PXDNL: variants seen among roughly 807,000 people sequenced by gnomAD.
PXDNL encodes the protein probable oxidoreductase PXDNL.
A neutral mutation model predicts 150.8 loss-of-function variants in PXDNL; 145 were observed. The observed-to-expected ratio is 0.96, with a 90% confidence interval of 0.84 to 1.10. The LOEUF (loss-of-function observed/expected upper bound fraction) is 1.10. PXDNL is among the 50% of genes least tolerant of loss of function. PXDNL has a pLI of 0.00. For missense variants in PXDNL, 2,087 were observed against 1,873.9 expected, an observed-to-expected ratio of 1.11 and a Z score of -2.10; for synonymous variants, 757 against 725.7, an observed-to-expected ratio of 1.04 and a Z score of -0.69.
chr8:51,630,826 C>A (rs1814474423), intron 2 of PXDNL, among the ~76,000 whole-genome samples: 1 of 152,114 alleles, frequency 6.6e-6, no homozygotes, highest in Admixed American at 6.6e-5. Context: ...TTATACACTG[C>A]TGGTGAGAAC....
chr8:51,790,979 T>C (rs1249132602), intron 1 of PXDNL, among the ~76,000 whole-genome samples: 2 of 152,026 alleles, frequency 1.3e-5, no homozygotes, highest in African/African-American at 4.8e-5. Context: ...TGGGTTTTAA[T>C]GGATACAATA....
chr8:51,359,185 G>A (rs10107247), intron 19 of PXDNL, among the ~76,000 whole-genome samples: 5 of 152,200 alleles, frequency 3.3e-5, no homozygotes, highest in Middle Eastern at 3.4e-3. Flanking sequence ...AAAGGGTCCC[G>A]AATAGTTATC....
At position 51,447,101 on chromosome 8, in the gene PXDNL, G is replaced by T. The variant is rs1809694038; in HGVS notation, c.1428C>A (p.Asp476Glu). ...GGCCTTGATCGTGCTGTGCTGCACG[G>T]TCAATTCTCAAAGTGCCAGAGGAGA... ...TVLSSGTLRI[D>E]RAAQHDQGQY... The change falls in exon 12 of 23, where the codon GAC becomes GAA. Residue 476 changes from aspartate to glutamate, a missense_variant. Asp to Glu is a conservative substitution (Grantham distance 45). Transcript: ENST00000356297. 2 of 1,613,736 alleles carry T rather than the reference G, an allele frequency of 1.2e-6. No homozygotes were observed. Among genetic ancestry groups the T allele is most frequent in the East Asian group, 4.5e-5 (2 of 44,882 alleles).
chr8:51,608,368 G>A lies in PXDNL; in HGVS notation c.237-15670C>T, dbSNP rs1234134704. ...TGCACCACTGCACTCCAGCCTCAGCGACAGGGAGAGACTCCGTCAAAAAAA... is the reference window on the plus strand; with the variant it reads ...TGCACCACTGCACTCCAGCCTCAGCAACAGGGAGAGACTCCGTCAAAAAAA... On this transcript the variant is annotated intron_variant, in intron 2 of 22. Transcript: ENST00000356297. Among the ~76,000 whole-genome samples, 8 of 130,000 alleles carry A rather than the reference G, an allele frequency of 6.2e-5. No homozygotes were observed. In the East Asian group the frequency reaches 6.6e-4, roughly 11 times the overall value. 85.3% of individuals were successfully genotyped at this position (130,000 alleles called of 152,430 possible).
intron 1 of PXDNL, among the ~76,000 whole-genome samples, chr8:51,703,928 T>C (rs780073564): frequency 2.6e-5 from 4 of 152,240 alleles, no homozygotes; most frequent in Non-Finnish European, 5.9e-5. Context: ...TTAGTATTTT[T>C]ATTTTATCTG....
intron 1 of PXDNL, among the ~76,000 whole-genome samples, chr8:51,667,617 C>T (rs1815411978): frequency 6.6e-6 from 1 of 152,134 alleles, no homozygotes; most frequent in Admixed American, 6.5e-5. Flanking sequence ...ATGCCAAATA[C>T]ATAAATATCT....
chr8:51,696,712 GGTTCACACA>G (rs1563510030), intron 1 of PXDNL, among the ~76,000 whole-genome samples: 15 of 1,308 alleles, frequency 0.011, no homozygotes, highest in East Asian at 0.029. Flanking sequence ...TCCACACACA[GGTTCACACA>G]CATCCACACA....
intron 1 of PXDNL, among the ~76,000 whole-genome samples, chr8:51,799,533 G>C (rs73590437): frequency 6.6e-6 from 1 of 152,348 alleles, no homozygotes; most frequent in African/African-American, 2.4e-5. Context: ...CATGAGAGCT[G>C]TCTAGGATTC....
intron 1 of PXDNL, among the ~76,000 whole-genome samples, chr8:51,796,666 A>C (rs551930575): frequency 1.3e-5 from 2 of 152,342 alleles, no homozygotes; most frequent in Non-Finnish European, 2.9e-5. Flanking sequence ...GAGTTCTGAA[A>C]TTGAGGCAGA....
intron 6 of PXDNL, among the ~76,000 whole-genome samples, chr8:51,477,217 C>A (rs1264682868): frequency 6.6e-6 from 1 of 152,088 alleles, no homozygotes; most frequent in African/African-American, 2.4e-5. Context: ...ATAACTGTAT[C>A]TAAATTTTAT....
intron 21 of PXDNL, among the ~76,000 whole-genome samples, chr8:51,323,425 G>T (rs953161831): frequency 1.3e-5 from 2 of 152,024 alleles, no homozygotes; most frequent in Admixed American, 6.6e-5. Flanking sequence ...AACCACTGGT[G>T]TATGCCACCA....
chr8:51,640,656 A>G (rs538200477), intron 2 of PXDNL, among the ~76,000 whole-genome samples: 1 of 152,356 alleles, frequency 6.6e-6, no homozygotes, highest in African/African-American at 2.4e-5. Context: ...AGGGACGTGA[A>G]TGACCTCTTC....
intron 6 of PXDNL, among the ~76,000 whole-genome samples, chr8:51,478,050 T>C (rs1038887673): frequency 1.3e-5 from 2 of 152,180 alleles, no homozygotes. Flanking sequence ...AGTATACTTT[T>C]ATATGATAAT....
chr8:51,450,406 C>T (rs1251444007), intron 10 of PXDNL, among the ~76,000 whole-genome samples: 1 of 152,190 alleles, frequency 6.6e-6, no homozygotes, highest in Non-Finnish European at 1.5e-5. Flanking sequence ...TCATTTTACC[C>T]AGCCCTCATT....
chr8:51,582,341 T>C (rs1813227613), intron 3 of PXDNL, among the ~76,000 whole-genome samples: 1 of 152,120 alleles, frequency 6.6e-6, no homozygotes, highest in Non-Finnish European at 1.5e-5. Flanking sequence ...CAGGGTTTGT[T>C]GGTTGAGCCA....
chr8:51,789,119 G>T (rs542797197), intron 1 of PXDNL, among the ~76,000 whole-genome samples: 73 of 151,342 alleles, frequency 4.8e-4, no homozygotes, highest in African/African-American at 1.7e-3. Context: ...TCCCTATTCT[G>T]TAAGACAAAT....
intron 2 of PXDNL, among the ~76,000 whole-genome samples, chr8:51,628,397 T>A (rs1235355635): frequency 9.6e-6 from 1 of 104,042 alleles, no homozygotes; most frequent in Non-Finnish European, 2.0e-5. Context: ...TTCTTTTCTT[T>A]TCTTTTTTTT....
At chr8:51,739,661 T>G (rs914253131) in intron 1 of PXDNL, among the ~76,000 whole-genome samples, 7 of 151,872 alleles carry the variant, frequency 4.6e-5, no homozygotes, top group Non-Finnish European at 7.4e-5. Flanking sequence ...GATCACAAGG[T>G]CAGGAGATTG....
chr8:51,423,496 G>C, intron 14 of PXDNL, 79 bp downstream of exon 14: 11 of 1,174,652 alleles, frequency 9.4e-6, no homozygotes, highest in Non-Finnish European at 1.3e-5. Context: ...TGATTAGTGA[G>C]ATCAGTCAAA....
Sources: allele counts gnomAD v4.1 joint callset (sites outside exome capture counted in the v4.1 genomes callset), GRCh38; gene constraint gnomAD v4.1.1; transcripts MANE v1.5; gene names NCBI Gene and HGNC (gene_info 2026-07-23, HGNC 2026-07-21).